EDEM3: variants seen among roughly 807,000 people sequenced by gnomAD.
The protein encoded by EDEM3 is ER degradation enhancing alpha-mannosidase like protein 3, also known as ER degradation-enhancing alpha-mannosidase-like protein 3.
EDEM3 carries 60 observed loss-of-function variants against 110.2 expected under a neutral mutation model. That is an observed-to-expected ratio of 0.54 (90% confidence interval 0.44 to 0.67). The LOEUF (loss-of-function observed/expected upper bound fraction) is 0.67. Among genes scored for constraint, EDEM3 ranks in the 30% least tolerant of loss-of-function variants. The pLI, the probability that EDEM3 is intolerant of heterozygous loss-of-function variation, is 0.00. For missense variants in EDEM3, 996 were observed against 1,121.0 expected (o/e 0.89, Z 1.59); for synonymous variants, 352 against 382.9 (o/e 0.92, Z 0.94).
chr1:184,725,864 G>C (rs1232332170), intron 7 of EDEM3, among the ~76,000 whole-genome samples: 1 of 152,024 alleles, frequency 6.6e-6, no homozygotes, highest in African/African-American at 2.4e-5. Flanking sequence ...ATTTCACTGT[G>C]TTTTAGAAGA....
chr1:184,701,446 A>G (rs1649614222), intron 19 of EDEM3: 1 of 1,155,058 alleles, frequency 8.7e-7, no homozygotes, highest in Non-Finnish European at 1.1e-6. Flanking sequence ...ACACACACCC[A>G]AATACATATA....
intron 6 of EDEM3, among the ~76,000 whole-genome samples, chr1:184,732,333 G>A (rs914917172): frequency 2.0e-5 from 3 of 152,106 alleles, no homozygotes; most frequent in African/African-American, 7.2e-5. Flanking sequence ...GTGGGGATGG[G>A]GAATAGGGAG....
At chr1:184,729,497 C>A (rs1651377542) in intron 6 of EDEM3, among the ~76,000 whole-genome samples, 1 of 152,066 alleles carries the variant, frequency 6.6e-6, no homozygotes, top group Non-Finnish European at 1.5e-5. Flanking sequence ...AATGGCATTA[C>A]AAAGTACGTA....
At chr1:184,709,177 T>G (rs911997886) in intron 16 of EDEM3, among the ~76,000 whole-genome samples, 1 of 151,958 alleles carries the variant, frequency 6.6e-6, no homozygotes, top group African/African-American at 2.4e-5. Context: ...GAAGGAAACA[T>G]AGGTTGAGGT....
At chr1:184,708,938 A>G (rs1650080339) in intron 16 of EDEM3, among the ~76,000 whole-genome samples, 1 of 152,198 alleles carries the variant, frequency 6.6e-6, no homozygotes, top group Non-Finnish European at 1.5e-5. Flanking sequence ...ATTTAGAATG[A>G]CACTTGAATT....
chr1:184,723,168 G>C (rs1415514038), intron 8 of EDEM3, among the ~76,000 whole-genome samples: 1 of 151,878 alleles, frequency 6.6e-6, no homozygotes, highest in Non-Finnish European at 1.5e-5. Context: ...TCTCGTTACT[G>C]GGCACTTACT....
chr1:184,723,958 G>C (rs1651051418), intron 7 of EDEM3, 102 bp from the exon 8 acceptor site: 1 of 775,502 alleles, frequency 1.3e-6, no homozygotes, highest in African/African-American at 1.9e-5. Flanking sequence ...AGGCCGATAG[G>C]ATATTTTAAG....
In EDEM3 at chr1:184,703,629, TTTACTGAAGACGACAATCACG is replaced by T. The variant is rs932264966; in HGVS notation, c.2204-654_2204-634del. On this transcript the variant is annotated intron_variant, in intron 18 of 19. Coordinates refer to ENST00000318130, the MANE Select transcript of EDEM3 (RefSeq NM_025191.4). ...AGTAGTAGTACCAGCAACATGCTGTTTTACTGAAGACGACAATCACGACCACCTCCAAATCGCATGCCAGTC... is the reference window on the plus strand; with the variant it reads ...AGTAGTAGTACCAGCAACATGCTGTTACCACCTCCAAATCGCATGCCAGTC... Among the ~76,000 whole-genome samples the T allele has an allele frequency of 5.4e-4, 83 of 152,332 alleles. No individual in the cohort carries two copies. The East Asian group carries it at 0.016, about 29-fold the overall frequency.
At chr1:184,735,744 G>A (rs1430836464) in intron 4 of EDEM3, among the ~76,000 whole-genome samples, 1 of 152,098 alleles carries the variant, frequency 6.6e-6, no homozygotes, top group Non-Finnish European at 1.5e-5. Context: ...ACATCAAGTG[G>A]GCAGTAATAA....
chr1:184,727,288 T>C (rs997719939), intron 6 of EDEM3, among the ~76,000 whole-genome samples: 2 of 152,130 alleles, frequency 1.3e-5, no homozygotes, highest in African/African-American at 4.8e-5. Context: ...AGACCTTTAC[T>C]ATTACAATAT....
intron 1 of EDEM3, among the ~76,000 whole-genome samples, chr1:184,752,666 G>A (rs972508940): frequency 2.6e-5 from 4 of 152,166 alleles, no homozygotes; most frequent in African/African-American, 9.7e-5. Flanking sequence ...AATAAAAAAT[G>A]AAGAAAGGGT....
chr1:184,694,522 T>A, intron 19 of EDEM3, 50 bp from the exon 20 acceptor site: 3 of 1,482,360 alleles, frequency 2.0e-6, no homozygotes, highest in Non-Finnish European at 2.7e-6. Flanking sequence ...AAAAATGTAC[T>A]ATTACACTTT....
chr1:184,708,161 G>A lies in EDEM3; in HGVS notation c.2029C>T (p.His677Tyr), dbSNP rs201462809. The A allele has an allele frequency of 6.2e-7, 1 of 1,611,840 alleles. No individual in the cohort carries two copies. Among genetic ancestry groups the A allele is most frequent in the Non-Finnish European group, 8.5e-7 (1 of 1,179,082 alleles). Residue 677 changes from histidine to tyrosine, a missense_variant, in exon 17 of 20, where the codon CAT becomes TAT. Coordinates refer to ENST00000318130, the MANE Select transcript of EDEM3 (RefSeq NM_025191.4). ...PAQFGLDLSKHKETRGFVASS... is the reference protein window; with the variant it reads ...PAQFGLDLSKYKETRGFVASS... ...ATTTTAAGTATACATACCTCTTTAT[G>A]TTTAGACAGATCCAGCCCAAACTGA...
Position 184,702,881 on chromosome 1 carries a change from A to G in EDEM3, c.2319T>C (p.Ser773=), listed in dbSNP as rs1435979724. ...PMLFLFSKEG[S]IILDAIREYE... ...ATTCCCGGATGGCATCCAGTATGAT[A>G]CTTCCTTCTTTGCTGAATAAGAACA... is the stretch of plus-strand genomic sequence containing the variant. The change falls in exon 19 of 20, where the codon AGT becomes AGC. Residue 773 remains serine (S), a synonymous_variant. Transcript: ENST00000318130. The G allele has an allele frequency of 6.2e-7, 1 of 1,613,348 alleles. No individual in the cohort carries two copies. The highest frequency in any genetic ancestry group is 8.5e-7 in the Non-Finnish European group (1 of 1,179,722).
intron 19 of EDEM3, chr1:184,701,575 G>A (rs1649623469): frequency 1.6e-6 from 2 of 1,263,014 alleles, no homozygotes; most frequent in Admixed American, 2.6e-5. Context: ...CAAAATAGGG[G>A]GAAAAAAAGC....
intron 2 of EDEM3, among the ~76,000 whole-genome samples, chr1:184,738,219 T>C (rs2333716): frequency 0.53 from 80,361 of 152,020 alleles, 21,708 homozygotes; most frequent in East Asian, 0.68. Flanking sequence ...ATATTCTAAG[T>C]GATATTCTAT....
intron 3 of EDEM3, 86 bp downstream of exon 3, chr1:184,737,525 G>GAAATATTATT: frequency 7.8e-7 from 1 of 1,275,556 alleles, no homozygotes; most frequent in Non-Finnish European, 1.1e-6. Flanking sequence ...CCAATCCCTA[G>GAAATATTATT]AAATATTATT....
chr1:184,714,661 G>GT (rs1447385883), intron 13 of EDEM3, among the ~76,000 whole-genome samples: 8 of 152,186 alleles, frequency 5.3e-5, no homozygotes, highest in Non-Finnish European at 1.0e-4. Flanking sequence ...TGAAAAAAAT[G>GT]TAAGGTATGC....
chr1:184,729,359 T>C (rs993098798), intron 6 of EDEM3, among the ~76,000 whole-genome samples: 2 of 152,184 alleles, frequency 1.3e-5, no homozygotes, highest in Non-Finnish European at 2.9e-5. Flanking sequence ...AGAAAATCCT[T>C]AAAATATGTA....
Sources: allele counts gnomAD v4.1 joint callset (sites outside exome capture counted in the v4.1 genomes callset), GRCh38; gene constraint gnomAD v4.1.1; transcripts MANE v1.5; gene names NCBI Gene and HGNC (gene_info 2026-07-23, HGNC 2026-07-21).